Variants in HUNK observed in about 807,000 individuals in gnomAD.
HUNK encodes the protein hormonally up-regulated neu tumor-associated kinase.
Under a neutral mutation model 61.0 loss-of-function variants are expected in HUNK, and 21 were observed. The observed-to-expected ratio is 0.34, with a 90% CI of 0.24 to 0.50. The LOEUF is 0.50. HUNK is among the 20% of genes least tolerant of loss of function. The probability of loss-of-function intolerance (pLI) is 0.98; values close to 1 mark genes in which losing one functional copy is unlikely to be tolerated. For missense variants in HUNK, 772 were observed against 945.7 expected, an observed-to-expected ratio of 0.82 and a Z score of 2.41; for synonymous variants, 371 against 386.1, an observed-to-expected ratio of 0.96 and a Z score of 0.46.
intron 2 of HUNK, among the ~76,000 whole-genome samples, chr21:31,932,911 CTT>C (rs779361324): frequency 7.3e-4 from 95 of 130,592 alleles, no homozygotes; most frequent in Admixed American, 2.0e-3. Flanking sequence ...TGCCTTCTTC[CTT>C]TTTTTTTTTT....
At position 32,000,295 on chromosome 21, in the gene HUNK, A is replaced by C. The variant is rs1428291218; in HGVS notation, c.*1111A>C. On this transcript the variant is annotated 3_prime_UTR_variant, in exon 11 of 11. Transcript: ENST00000270112. ...GGAGCTGGGAGCAGGCTTGCCTGGC[A>C]GAGAACCTGTTCAGATACAGGCCAG... 1.5e-5 allele frequency: 6 copies of C among 399,018 alleles called. No individual in the cohort carries two copies. The East Asian group carries it at 2.1e-4, about 14-fold the overall frequency. 24.7% of individuals were successfully genotyped at this position (399,018 alleles called of 1,614,324 possible).
At chr21:31,888,562 C>A (rs1052093579) in intron 1 of HUNK, among the ~76,000 whole-genome samples, 4 of 152,090 alleles carry the variant, frequency 2.6e-5, no homozygotes, top group Non-Finnish European at 4.4e-5. Context: ...CATGGTGAAA[C>A]CCTGTTTCTA....
At chr21:31,874,343 G>T (rs1486571562) in intron 1 of HUNK, among the ~76,000 whole-genome samples, 1 of 148,746 alleles carries the variant, frequency 6.7e-6, no homozygotes, top group Non-Finnish European at 1.5e-5. Flanking sequence ...GGGGCGGGGG[G>T]GGCAGGAAAG....
intron 1 of HUNK, among the ~76,000 whole-genome samples, chr21:31,913,324 T>G (rs2052558981): frequency 6.8e-6 from 1 of 147,622 alleles, no homozygotes; most frequent in African/African-American, 2.5e-5. Context: ...CTGGGCTGGG[T>G]GGGAGTGGGA....
chr21:31,888,457 G>C (rs1392974239), intron 1 of HUNK, among the ~76,000 whole-genome samples: 9 of 422 alleles, frequency 0.021, no homozygotes, highest in Admixed American at 0.059. Flanking sequence ...TGTGTGTTAG[G>C]CTGGACGCAG....
intron 1 of HUNK, among the ~76,000 whole-genome samples, chr21:31,917,816 A>T (rs532769362): frequency 6.6e-6 from 1 of 151,324 alleles, no homozygotes; most frequent in East Asian, 2.0e-4. Flanking sequence ...TCCTTAAGTG[A>T]ATCGGGGAAC....
intron 5 of HUNK, among the ~76,000 whole-genome samples, chr21:31,961,231 G>GTT (rs71193161): frequency 3.4e-5 from 5 of 148,938 alleles, no homozygotes; most frequent in Non-Finnish European, 4.5e-5. Context: ...AATCTGAGCT[G>GTT]TTTTTTTTTT....
At chr21:31,945,651 G>A (rs1364473407) in intron 3 of HUNK, among the ~76,000 whole-genome samples, 2 of 152,090 alleles carry the variant, frequency 1.3e-5, no homozygotes, top group Non-Finnish European at 2.9e-5. Context: ...TGGCAGCTTG[G>A]GAGCTAACTC....
chr21:31,926,032 T>C (rs2052657228), intron 2 of HUNK, among the ~76,000 whole-genome samples: 2 of 152,132 alleles, frequency 1.3e-5, no homozygotes, highest in South Asian at 4.1e-4. Flanking sequence ...AATTCTCCTG[T>C]GTCACCCACC....
chr21:31,935,808 T>C (rs949327495), intron 2 of HUNK, among the ~76,000 whole-genome samples: 2 of 152,198 alleles, frequency 1.3e-5, no homozygotes, highest in Non-Finnish European at 2.9e-5. Flanking sequence ...ATATCTTATC[T>C]CTTTTTTCTT....
chr21:31,909,376 G>A (rs189195332), intron 1 of HUNK, among the ~76,000 whole-genome samples: 56 of 152,268 alleles, frequency 3.7e-4, no homozygotes, highest in Non-Finnish European at 1.9e-4. Flanking sequence ...GAGGATCCCC[G>A]GGAAAGTGGC....
intron 1 of HUNK, among the ~76,000 whole-genome samples, chr21:31,875,317 G>T (rs76483244): frequency 0.05 from 7,629 of 152,092 alleles, 665 homozygotes; most frequent in African/African-American, 0.17. Flanking sequence ...GGAGCCTTTT[G>T]CCTGTGAATG....
intron 1 of HUNK, among the ~76,000 whole-genome samples, chr21:31,884,058 A>G (rs1179587129): frequency 6.6e-6 from 1 of 152,178 alleles, no homozygotes; most frequent in African/African-American, 2.4e-5. Context: ...TTGCTGGTTT[A>G]AGTAAGACAA....
At chr21:31,973,377 A>T (rs561568238) in intron 6 of HUNK, among the ~76,000 whole-genome samples, 1 of 151,956 alleles carries the variant, frequency 6.6e-6, no homozygotes, top group East Asian at 1.9e-4. Flanking sequence ...TTATTGTTCA[A>T]TTCCCACCTA....
chr21:31,915,673 C>A (rs2052577103), intron 1 of HUNK, among the ~76,000 whole-genome samples: 1 of 151,978 alleles, frequency 6.6e-6, no homozygotes, highest in Admixed American at 6.6e-5. Context: ...ATTTTAAAGG[C>A]AGTGAAGGGT....
chr21:31,963,037 T>C (rs1171776917), intron 5 of HUNK, among the ~76,000 whole-genome samples: 3 of 152,242 alleles, frequency 2.0e-5, no homozygotes, highest in African/African-American at 7.2e-5. Context: ...GCTGCTGCCC[T>C]TCTGACAGCC....
chr21:31,967,609 C>T (rs1392456775), intron 5 of HUNK, among the ~76,000 whole-genome samples: 1 of 152,044 alleles, frequency 6.6e-6, no homozygotes, highest in Non-Finnish European at 1.5e-5. Context: ...GGCCTATAAT[C>T]CCAGCACTTT....
At chr21:31,934,559 T>C (rs2052719876) in intron 2 of HUNK, among the ~76,000 whole-genome samples, 11 of 152,112 alleles carry the variant, frequency 7.2e-5, no homozygotes, top group Admixed American at 6.5e-4. Flanking sequence ...GTTTGTTACA[T>C]GGGTATATTG....
intron 4 of HUNK, among the ~76,000 whole-genome samples, chr21:31,955,426 GA>G (rs375947112): frequency 0.056 from 7,300 of 130,388 alleles, 548 homozygotes; most frequent in African/African-American, 0.18. Flanking sequence ...CCGTCTCTAC[GA>G]AAAAAAAAAA....
Sources: allele counts gnomAD v4.1 joint callset (sites outside exome capture counted in the v4.1 genomes callset), GRCh38; gene constraint gnomAD v4.1.1; transcripts MANE v1.5; gene names NCBI Gene and HGNC (gene_info 2026-07-23, HGNC 2026-07-21).